The following LPAR3 variants were observed in gnomAD, a reference collection of about 807,000 sequenced individuals.
LPAR3 encodes the protein LPA receptor 3.
In LPAR3, 7 loss-of-function variants were observed where a neutral mutation model predicts 17.8. The ratio of observed to expected loss-of-function variants is 0.39; its 90% CI spans 0.22 to 0.74. LPAR3 has a LOEUF of 0.74. Among genes scored for constraint, LPAR3 ranks in the 30% least tolerant of loss-of-function variants. The pLI, the probability that LPAR3 is intolerant of heterozygous loss-of-function variation, is 0.40. For missense variants in LPAR3, 391 were observed against 453.4 expected, an observed-to-expected ratio of 0.86 and a Z score of 1.25; for synonymous variants, 179 against 179.9, an observed-to-expected ratio of 0.99 and a Z score of 0.04.
At chr1:84,873,209 T>G (rs1660189843) in intron 1 of LPAR3, among the ~76,000 whole-genome samples, 1 of 152,116 alleles carries the variant, frequency 6.6e-6, no homozygotes, top group African/African-American at 2.4e-5. Context: ...AAGTACAGAT[T>G]TTAGTTAACG....
At chr1:84,867,625 G>C (rs1660077550) in intron 1 of LPAR3, among the ~76,000 whole-genome samples, 1 of 151,666 alleles carries the variant, frequency 6.6e-6, no homozygotes, top group Non-Finnish European at 1.5e-5. Context: ...CAAATGGGAG[G>C]TAAATATCAT....
At chr1:84,815,042 A>T (rs1321210975) in intron 2 of LPAR3, among the ~76,000 whole-genome samples, 2 of 152,222 alleles carry the variant, frequency 1.3e-5, no homozygotes, top group Admixed American at 6.5e-5. Flanking sequence ...ATCTTTATAC[A>T]GCACTTACTA....
At chr1:84,830,767 G>A (rs1208531850) in intron 2 of LPAR3, among the ~76,000 whole-genome samples, 1 of 152,106 alleles carries the variant, frequency 6.6e-6, no homozygotes, top group Non-Finnish European at 1.5e-5. Flanking sequence ...TCCCTGCCAG[G>A]ATTTCATGTA....
At chr1:84,814,599 C>G (rs532216539) in intron 2 of LPAR3, among the ~76,000 whole-genome samples, 1 of 152,276 alleles carries the variant, frequency 6.6e-6, no homozygotes, top group East Asian at 1.9e-4. Context: ...CTCCAGGGCT[C>G]CCATACTTCA....
intron 1 of LPAR3, among the ~76,000 whole-genome samples, chr1:84,874,295 C>T (rs1660214648): frequency 6.6e-6 from 1 of 152,154 alleles, no homozygotes; most frequent in Non-Finnish European, 1.5e-5. Context: ...CTGAGCTCAG[C>T]AGAATAAACA....
intron 1 of LPAR3, among the ~76,000 whole-genome samples, chr1:84,871,118 TG>T (rs1660151570): frequency 6.6e-6 from 1 of 151,824 alleles, no homozygotes; most frequent in Non-Finnish European, 1.5e-5. Context: ...AATCCCAAGC[TG>T]TTTTTTGTTT....
At chr1:84,827,457 AC>A (rs1659183205) in intron 2 of LPAR3, among the ~76,000 whole-genome samples, 1 of 152,000 alleles carries the variant, frequency 6.6e-6, no homozygotes, top group Non-Finnish European at 1.5e-5. Context: ...AAGCTTAAAA[AC>A]CTTTAAAATA....
intron 2 of LPAR3, among the ~76,000 whole-genome samples, chr1:84,850,229 A>G (rs1659674961): frequency 2.0e-5 from 3 of 151,842 alleles, no homozygotes; most frequent in Admixed American, 2.0e-4. Context: ...ACCCCCTCCC[A>G]TGTAACCAGC....
chr1:84,834,787 G>T (rs1430497149), intron 2 of LPAR3, among the ~76,000 whole-genome samples: 1 of 152,024 alleles, frequency 6.6e-6, no homozygotes, highest in Non-Finnish European at 1.5e-5. Flanking sequence ...ATTCTTACAG[G>T]GTGCCTATCT....
chr1:84,860,034 T>G (rs1659909051), intron 2 of LPAR3, among the ~76,000 whole-genome samples: 1 of 152,168 alleles, frequency 6.6e-6, no homozygotes, highest in East Asian at 1.9e-4. Flanking sequence ...ATGTCTCCGA[T>G]GTCTTTTCAA....
chr1:84,874,659 T>C (rs1297070396), intron 1 of LPAR3, among the ~76,000 whole-genome samples: 1 of 152,326 alleles, frequency 6.6e-6, no homozygotes, highest in East Asian at 1.9e-4. Context: ...TTACTTGTGT[T>C]TGCTTTATAT....
At position 84,817,094 on chromosome 1, in the gene LPAR3, A is replaced by T. The variant is rs991746127; in HGVS notation, c.737-2923T>A. ...TGTTAATGCTGAGAATTTTTTTTTT[A>T]AAGTAATCTGGGCATCACACAAACT... is the stretch of plus-strand genomic sequence containing the variant. On this transcript the variant is annotated intron_variant, in intron 2 of 2. Coordinates refer to ENST00000370611, the MANE Select transcript of LPAR3 (RefSeq NM_012152.3). Among the ~76,000 whole-genome samples, 22 of 151,974 alleles carry T rather than the reference A, an allele frequency of 1.4e-4. 1 individual carries two copies. The East Asian group carries it at 4.1e-3, about 28-fold the overall frequency.
intron 1 of LPAR3, among the ~76,000 whole-genome samples, chr1:84,885,387 C>G (rs1185143703): frequency 6.6e-6 from 1 of 152,086 alleles, no homozygotes; most frequent in Non-Finnish European, 1.5e-5. Flanking sequence ...CAAGTGTTGG[C>G]AAGAATGTGG....
At chr1:84,862,677 C>T (rs1659961430) in intron 2 of LPAR3, among the ~76,000 whole-genome samples, 1 of 152,250 alleles carries the variant, frequency 6.6e-6, no homozygotes, top group Non-Finnish European at 1.5e-5. Context: ...CTAGCAGTTT[C>T]AGGACCTAGA....
chr1:84,847,163 T>A (rs1346550301), intron 2 of LPAR3, among the ~76,000 whole-genome samples: 1 of 152,244 alleles, frequency 6.6e-6, no homozygotes, highest in Non-Finnish European at 1.5e-5. Context: ...GGGCTCAATG[T>A]GTCACTACCT....
At chr1:84,867,697 AT>A (rs1166096718) in intron 1 of LPAR3, among the ~76,000 whole-genome samples, 1 of 152,176 alleles carries the variant, frequency 6.6e-6, no homozygotes, top group Non-Finnish European at 1.5e-5. Context: ...GTATCTTTCA[AT>A]TACAAGAAAG....
intron 2 of LPAR3, among the ~76,000 whole-genome samples, chr1:84,846,934 C>T (rs1196928880): frequency 6.6e-6 from 1 of 152,084 alleles, no homozygotes; most frequent in East Asian, 1.9e-4. Flanking sequence ...GAGGGGGCTA[C>T]CCTGTAGTTT....
rs1444825092 is a variant in LPAR3 at position 84,813,736 on chromosome 1, T to G, written c.*110A>C. 1 of 894,584 alleles carries G rather than the reference T, an allele frequency of 1.1e-6. No individual in the cohort carries two copies. Among genetic ancestry groups the G allele is most frequent in the African/African-American group, 1.7e-5 (1 of 59,084 alleles). The allele number at this position is 894,584 out of a possible 1,614,324, so 55.4% of individuals were successfully genotyped here. A position where few individuals can be genotyped will look rare whatever the true frequency, so the allele number is the denominator to read the frequency against. On this transcript the variant is annotated 3_prime_UTR_variant, in exon 3 of 3. Transcript: ENST00000370611. ...TTTTTTAAAGAAATCTAGCAGTGATTAATGGAGACCTCAAATAACACTGTA... is the reference window on the plus strand; with the variant it reads ...TTTTTTAAAGAAATCTAGCAGTGATGAATGGAGACCTCAAATAACACTGTA...
chr1:84,887,140 G>A (rs183463622), intron 1 of LPAR3, among the ~76,000 whole-genome samples: 56 of 152,116 alleles, frequency 3.7e-4, no homozygotes, highest in African/African-American at 1.3e-3. Flanking sequence ...CAAGGCAGGT[G>A]GATCACTTGA....
Sources: gnomAD v4.1 joint callset for allele counts (sites outside exome capture counted in the v4.1 genomes callset) on GRCh38, gnomAD v4.1.1 for gene constraint, MANE v1.5 for transcripts, NCBI Gene and HGNC (gene_info 2026-07-23, HGNC 2026-07-21) for gene names.